BMX: variants seen among roughly 807,000 people sequenced by gnomAD.
BMX encodes BMX non-receptor tyrosine kinase.
Under a neutral mutation model 59.2 loss-of-function variants are expected in BMX, and 31 were observed. That is an observed-to-expected ratio of 0.52 (90% CI 0.39 to 0.71). BMX has a LOEUF of 0.71. Among genes scored for constraint, BMX ranks in the 30% least tolerant of loss-of-function variants. BMX has a pLI of 0.00. For missense variants in BMX, 474 were observed against 491.7 expected, an observed-to-expected ratio of 0.96 and a Z score of 0.34; for synonymous variants, 185 against 181.0, an observed-to-expected ratio of 1.02 and a Z score of -0.18.
Position 15,508,511 on chromosome X carries a change from A to G in BMX, c.138+20A>G, listed in dbSNP as rs753311653. On this transcript the variant is annotated intron_variant, in intron 2 of 18. Coordinates refer to ENST00000348343, the MANE Select transcript of BMX (RefSeq NM_203281.3). ...AAAATGGTGAGACATCATGTGTTCCATTATTTTTATACTATTTATTATTTT... is the reference window on the plus strand; with the variant it reads ...AAAATGGTGAGACATCATGTGTTCCGTTATTTTTATACTATTTATTATTTT... The G allele has an allele frequency of 1.8e-6, 2 of 1,118,193 alleles. No individual in the cohort carries two copies. Among genetic ancestry groups the G allele is most frequent in the Non-Finnish European group, 2.4e-6 (2 of 837,582 alleles). The allele number at this position is 1,118,193 out of a possible 1,213,427, so 92.2% of individuals were successfully genotyped here.
chrX:15,530,748 T>G (rs754366288), intron 10 of BMX, among the ~76,000 whole-genome samples: 2 of 112,363 alleles, frequency 1.8e-5, no homozygotes, highest in Non-Finnish European at 3.8e-5. Context: ...CTAATTGATA[T>G]GGAATGCCAG....
At chrX:15,546,987 A>T in intron 17 of BMX, 66 bp downstream of exon 17, 1 of 940,960 alleles carries the variant, frequency 1.1e-6, no homozygotes, top group South Asian at 2.2e-5. Context: ...AGGAAACCAC[A>T]AGAGTAGCAA....
At chrX:15,512,389 G>T (rs1305795580) in intron 4 of BMX, among the ~76,000 whole-genome samples, 1 of 109,798 alleles carries the variant, frequency 9.1e-6, no homozygotes, top group Non-Finnish European at 1.9e-5. Context: ...TTAAGTTTTA[G>T]GTTATGGTTC....
At chrX:15,543,794 T>C (rs1426425525) in intron 16 of BMX, among the ~76,000 whole-genome samples, 2 of 111,996 alleles carry the variant, frequency 1.8e-5, no homozygotes, top group Admixed American at 9.5e-5. Flanking sequence ...CACTTAATGA[T>C]GTGGAACAAT....
At chrX:15,524,188 T>C (rs1293691188) in intron 7 of BMX, among the ~76,000 whole-genome samples, 1 of 112,372 alleles carries the variant, frequency 8.9e-6, no homozygotes, top group Non-Finnish European at 1.9e-5. Context: ...AAATGTTTTC[T>C]ATGCACATGT....
In BMX at chrX:15,508,504, G is replaced by A; in HGVS notation, c.138+13G>A. 1.7e-6 allele frequency: 2 copies of A among 1,144,728 alleles called. No homozygotes were observed. Among genetic ancestry groups the A allele is most frequent in the Non-Finnish European group, 2.3e-6 (2 of 859,087 alleles). The allele number at this position is 1,144,728 out of a possible 1,213,427, so 94.3% of individuals were successfully genotyped here. Reference sequence around the variant, plus strand: ...ATATGACAAAATGGTGAGACATCATGTGTTCCATTATTTTTATACTATTTA... The same window carrying A: ...ATATGACAAAATGGTGAGACATCATATGTTCCATTATTTTTATACTATTTA... On this transcript the variant is annotated intron_variant, in intron 2 of 18. Coordinates refer to ENST00000348343, the MANE Select transcript of BMX (RefSeq NM_203281.3).
intron 7 of BMX, 95 bp from the exon 8 acceptor site, chrX:15,525,193 A>G (rs1924652043): frequency 2.4e-6 from 2 of 837,633 alleles, no homozygotes; most frequent in African/African-American, 2.1e-5. Context: ...AATGTCAAAT[A>G]AAGCTAAAAC....
Position 15,556,045 on chromosome X carries a change from C to G in BMX, c.1954-28C>G, listed in dbSNP as rs1003945487. On this transcript the variant is annotated intron_variant, in intron 18 of 18. Transcript: ENST00000348343. ...TGATCATAACTCTCATCATCTAAAA[C>G]ATTGGGTTTCTTGTTGTTTTTGTTT... The G allele has an allele frequency of 3.4e-6, 4 of 1,168,791 alleles. No individual in the cohort carries two copies. In the African/African-American group the frequency reaches 7.2e-5, roughly 21 times the overall value.
chrX:15,521,406 G>A (rs1028886416), intron 6 of BMX, among the ~76,000 whole-genome samples: 1 of 111,983 alleles, frequency 8.9e-6, no homozygotes, highest in Non-Finnish European at 1.9e-5. Flanking sequence ...ATAGAATTCA[G>A]TTGTGTGAAT....
intron 18 of BMX, among the ~76,000 whole-genome samples, chrX:15,552,530 A>C (rs1926247490): frequency 8.9e-6 from 1 of 112,298 alleles, no homozygotes. Flanking sequence ...GATTGTAATA[A>C]AATTGTTAGT....
chrX:15,543,255 C>G (rs990067028), intron 16 of BMX, 120 bp downstream of exon 16: 1 of 575,888 alleles, frequency 1.7e-6, no homozygotes, highest in African/African-American at 2.3e-5. Flanking sequence ...GCTTAGAAAC[C>G]TAAGTCCCTC....
In BMX at chrX:15,551,543, AT is replaced by A. The variant is rs200682960; in HGVS notation, c.1953+1559del. Among the ~76,000 whole-genome samples the A allele has an allele frequency of 3.6e-3, 354 of 98,863 alleles. 1 individual carries two copies. Among genetic ancestry groups the A allele is most frequent in the Middle Eastern group, 5.2e-3 (1 of 191 alleles). 85.9% of individuals were successfully genotyped at this position (98,863 alleles called of 115,157 possible). On this transcript the variant is annotated intron_variant, in intron 18 of 18. Coordinates refer to ENST00000348343, the MANE Select transcript of BMX (RefSeq NM_203281.3). The stretch of plus-strand genomic sequence containing the variant: ...TGTGTGTGTGTGTATATATATATAT[AT>A]TTTTTTTTTTTTACAAAGCATCTAT...
chrX:15,511,329 T>C, intron 3 of BMX, 108 bp from the exon 4 acceptor site: 1 of 564,628 alleles, frequency 1.8e-6, no homozygotes. Context: ...TGATGTATAC[T>C]GTATAAGCAA....
At chrX:15,547,945 A>G (rs761359280) in intron 17 of BMX, among the ~76,000 whole-genome samples, 4 of 111,723 alleles carry the variant, frequency 3.6e-5, no homozygotes, top group African/African-American at 1.3e-4. Context: ...CTTGTCACCT[A>G]CAAGACTGCC....
At chrX:15,527,193 CAAAAAAAA>C (rs1188631387) in intron 9 of BMX, among the ~76,000 whole-genome samples, 2 of 14,162 alleles carry the variant, frequency 1.4e-4, no homozygotes, top group African/African-American at 2.7e-4. Flanking sequence ...GACTCTGTCT[CAAAAAAAA>C]AAAAAAAAAA....
intron 9 of BMX, among the ~76,000 whole-genome samples, chrX:15,529,391 C>T (rs943558035): frequency 8.9e-6 from 1 of 111,818 alleles, no homozygotes; most frequent in African/African-American, 3.3e-5. Flanking sequence ...TCCTCCCACT[C>T]ACCCAAACCC....
intron 4 of BMX, 60 bp downstream of exon 4, chrX:15,511,578 G>A (rs1303319195): frequency 2.4e-5 from 23 of 961,783 alleles, no homozygotes; most frequent in Non-Finnish European, 2.7e-5. Context: ...AAAGAGAGTC[G>A]TTTTTTGAGG....
chrX:15,550,068 G>A (rs1926120102), intron 18 of BMX, 71 bp downstream of exon 18: 3 of 1,109,611 alleles, frequency 2.7e-6, no homozygotes, highest in Non-Finnish European at 2.4e-6. Flanking sequence ...ATCACCACTG[G>A]GACAAAGCTT....
rs746831907 is a variant in BMX, at chrX:15,509,447, C to G, written c.243+14C>G. ...TACCCATTTCAGGTAAAGGGAAGAA[C>G]GACATTGCATTGGGTGGATAGTTCT... is the stretch of plus-strand genomic sequence containing the variant. On this transcript the variant is annotated intron_variant, in intron 3 of 18. Transcript: ENST00000348343. 8 of 1,108,047 alleles carry G rather than the reference C, an allele frequency of 7.2e-6. No homozygotes were observed. The highest frequency in any genetic ancestry group is 9.9e-6 in the Non-Finnish European group (8 of 811,381). 91.3% of individuals were successfully genotyped at this position (1,108,047 alleles called of 1,213,427 possible). A position where few individuals can be genotyped will look rare whatever the true frequency, so the allele number is the denominator to read the frequency against.
Sources: allele counts gnomAD v4.1 joint callset (sites outside exome capture counted in the v4.1 genomes callset), GRCh38; gene constraint gnomAD v4.1.1; transcripts MANE v1.5; gene names NCBI Gene and HGNC (gene_info 2026-07-23, HGNC 2026-07-21).